MBNL2: variants seen among roughly 807,000 people sequenced by gnomAD.
MBNL2 encodes muscleblind like splicing regulator 2, also known as muscleblind-like protein 2.
MBNL2 carries 17 observed loss-of-function variants against 41.9 expected under a neutral mutation model. The ratio of observed to expected loss-of-function variants is 0.41; its 90% CI spans 0.28 to 0.61. The LOEUF is 0.61. Among genes scored for constraint, MBNL2 ranks in the 20% least tolerant of loss-of-function variants. The pLI, the probability that MBNL2 is intolerant of heterozygous loss-of-function variation, is 0.35. For missense variants in MBNL2, 336 were observed against 505.6 expected (o/e 0.66, Z 3.22); for synonymous variants, 195 against 182.9 (o/e 1.07, Z -0.53).
the MBNL2 span, among the ~76,000 whole-genome samples, chr13:97,174,406 A>G: frequency 1.3e-5 from 2 of 152,222 alleles, no homozygotes; most frequent in Admixed American, 6.5e-5. Flanking sequence ...AAGGAATAAA[A>G]ATTATACAGA....
In MBNL2 at chr13:97,262,959, T is replaced by G. The variant is rs185440947; in HGVS notation, c.-604-12673T>G. 8.4e-3 allele frequency among the ~76,000 whole-genome samples: 1,276 copies of G among 152,168 alleles called. 5 individuals carry two copies. The highest frequency in any genetic ancestry group is 0.013 in the Non-Finnish European group (868 of 68,004). ...TTGCTTCTTTTAAAATTTATTTTAT[T>G]TTATTTTTTTGGTAGAGTAGTTTCA... On this transcript the variant is annotated intron_variant, in intron 1 of 8. Coordinates refer to ENST00000679496, the MANE Select transcript of MBNL2 (RefSeq NM_001382683.1).
At chr13:97,214,577 G>A in the MBNL2 span, among the ~76,000 whole-genome samples, 1 of 152,142 alleles carries the variant, frequency 6.6e-6, no homozygotes, top group Admixed American at 6.5e-5. Flanking sequence ...GTTCAGCCTG[G>A]CCCCTCAGTC....
At chr13:97,302,065 A>C (rs9516900) in intron 2 of MBNL2, among the ~76,000 whole-genome samples, 110,257 of 152,084 alleles carry the variant, frequency 0.72, 40,463 homozygotes, top group African/African-American at 0.85. Context: ...CTCAGCACAT[A>C]CTTGGAGGTG....
rs911276369 is a variant in MBNL2 at position 97,277,562 on chromosome 13, A to G, written c.174+1153A>G. Among the ~76,000 whole-genome samples the G allele has an allele frequency of 6.6e-5, 10 of 152,374 alleles. 1 individual carries two copies. Among genetic ancestry groups the G allele is most frequent in the African/African-American group, 7.2e-5 (3 of 41,596 alleles). ...AGTAAAAAATTATGTCTCATAAGAC[A>G]TAAGTCAAAATTTATAATTTTGTAA... On this transcript the variant is annotated intron_variant, in intron 2 of 8. Transcript: ENST00000679496.
intron 2 of MBNL2, among the ~76,000 whole-genome samples, chr13:97,320,400 G>T (rs113404615): frequency 6.6e-6 from 1 of 151,890 alleles, no homozygotes; most frequent in Admixed American, 6.6e-5. Context: ...GGGACTACAG[G>T]TGTGTGTCAC....
At chr13:97,175,672 A>T in the MBNL2 span, among the ~76,000 whole-genome samples, 1 of 152,208 alleles carries the variant, frequency 6.6e-6, no homozygotes, top group African/African-American at 2.4e-5. Context: ...GCAGAGTTGG[A>T]TGGTAATTAC....
At chr13:97,260,098 C>T (rs1030258362) in intron 1 of MBNL2, among the ~76,000 whole-genome samples, 11 of 152,082 alleles carry the variant, frequency 7.2e-5, no homozygotes, top group African/African-American at 1.9e-4. Flanking sequence ...AAATAAAGCA[C>T]GGTGAGTCAG....
chr13:97,273,951 C>G (rs1407218476), intron 1 of MBNL2, among the ~76,000 whole-genome samples: 1 of 152,054 alleles, frequency 6.6e-6, no homozygotes, highest in Non-Finnish European at 1.5e-5. Context: ...ATCCCAGCTA[C>G]TCGGGAAGCT....
intron 1 of MBNL2, among the ~76,000 whole-genome samples, chr13:97,235,712 G>A (rs1170937371): frequency 6.6e-6 from 1 of 152,168 alleles, no homozygotes; most frequent in African/African-American, 2.4e-5. Context: ...AGTCAGTGCT[G>A]TTGTCCGAAC....
chr13:97,302,238 T>C (rs1335859653), intron 2 of MBNL2, among the ~76,000 whole-genome samples: 1 of 152,206 alleles, frequency 6.6e-6, no homozygotes, highest in African/African-American at 2.4e-5. Flanking sequence ...AGACCTTTTC[T>C]CTAGAAGTGG....
rs368407725 is a variant in MBNL2 at position 97,331,964 on chromosome 13, T to C, written c.175-2312T>C. On this transcript the variant is annotated intron_variant, in intron 2 of 8. Transcript: ENST00000679496. ...AGAAAATTGTATTTTTCCAGCCAAA[T>C]TGAAATGTGTGTGTGCAGCCACAAA... Among the ~76,000 whole-genome samples, 26 of 152,350 alleles carry C rather than the reference T, an allele frequency of 1.7e-4. No homozygotes were observed. The East Asian group carries it at 4.2e-3, about 25-fold the overall frequency.
At chr13:97,371,335 G>A (rs974915061) in intron 8 of MBNL2, among the ~76,000 whole-genome samples, 1 of 152,006 alleles carries the variant, frequency 6.6e-6, no homozygotes, top group Admixed American at 6.6e-5. Flanking sequence ...TCCTCCCCCA[G>A]CAAGAAGTAC....
chr13:97,275,884 C>T lies in MBNL2; in HGVS notation c.-352C>T, dbSNP rs562204433. On this transcript the variant is annotated 5_prime_UTR_variant, in exon 2 of 9. Coordinates refer to ENST00000679496, the MANE Select transcript of MBNL2 (RefSeq NM_001382683.1). ...TTCCAACATCGTCAATAGCTGTGAGCGTCAGCATTAAATATTCTCCCAAGG... is the reference window on the plus strand; with the variant it reads ...TTCCAACATCGTCAATAGCTGTGAGTGTCAGCATTAAATATTCTCCCAAGG... 3 of 176,360 alleles carry T rather than the reference C, an allele frequency of 1.7e-5. No homozygotes were observed. The highest frequency in any genetic ancestry group is 6.2e-5 in the Admixed American group (1 of 16,184). 10.9% of individuals were successfully genotyped at this position (176,360 alleles called of 1,614,324 possible). A position where few individuals can be genotyped will look rare whatever the true frequency, so the allele number is the denominator to read the frequency against.
chr13:97,301,429 T>G (rs1472884867), intron 2 of MBNL2, among the ~76,000 whole-genome samples: 1 of 152,194 alleles, frequency 6.6e-6, no homozygotes, highest in Admixed American at 6.5e-5. Flanking sequence ...CTGCCTGGTT[T>G]CTAATGACCT....
At chr13:97,256,326 C>CT (rs766127550) in intron 1 of MBNL2, among the ~76,000 whole-genome samples, 4 of 150,934 alleles carry the variant, frequency 2.7e-5, no homozygotes, top group Admixed American at 1.3e-4. Context: ...AAACTGCCAG[C>CT]TTGGGACATG....
chr13:97,331,468 T>C (rs2060434732), intron 2 of MBNL2, among the ~76,000 whole-genome samples: 1 of 152,240 alleles, frequency 6.6e-6, no homozygotes, highest in Non-Finnish European at 1.5e-5. Flanking sequence ...TATCTTATTA[T>C]ATTTAAAATT....
the MBNL2 span, among the ~76,000 whole-genome samples, chr13:97,200,308 G>A: frequency 6.6e-6 from 1 of 152,182 alleles, no homozygotes; most frequent in African/African-American, 2.4e-5. Context: ...GCCTCATCAT[G>A]CACAATCCAC....
rs528372839 is a variant in MBNL2 at position 97,261,900 on chromosome 13, AC to A, written c.-604-13729del. On this transcript the variant is annotated intron_variant, in intron 1 of 8. Coordinates refer to ENST00000679496, the MANE Select transcript of MBNL2 (RefSeq NM_001382683.1). ...GGCTGGGCCTCCATGACAGCCAGCC[AC>A]CCTGTCCTTCCCCCTTCTTGAGGCC... Among the ~76,000 whole-genome samples, 40 of 152,200 alleles carry A rather than the reference AC, an allele frequency of 2.6e-4. No individual in the cohort carries two copies. The Middle Eastern group carries it at 0.017, about 65-fold the overall frequency.
At chr13:97,271,524 C>T (rs188345430) in intron 1 of MBNL2, among the ~76,000 whole-genome samples, 269 of 152,166 alleles carry the variant, frequency 1.8e-3, no homozygotes, top group African/African-American at 2.5e-3. Flanking sequence ...CATAGGTATA[C>T]GTGTGCCACG....
Sources: allele counts gnomAD v4.1 joint callset (sites outside exome capture counted in the v4.1 genomes callset), GRCh38; gene constraint gnomAD v4.1.1; transcripts MANE v1.5; gene names NCBI Gene and HGNC (gene_info 2026-07-23, HGNC 2026-07-21).